Variants in ANK2 observed in about 807,000 individuals in gnomAD.
ANK2 encodes ankyrin 2, also known as ankyrin-2.
A neutral mutation model predicts 360.5 loss-of-function variants in ANK2; 83 were observed. The observed-to-expected ratio is 0.23, with a 90% CI of 0.19 to 0.28. The LOEUF is 0.28. Among genes scored for constraint, ANK2 ranks in the 10% least tolerant of loss-of-function variants. The pLI, the probability that ANK2 is intolerant of heterozygous loss-of-function variation, is 1.00. For missense variants in ANK2, 4,201 were observed against 4,795.7 expected, an observed-to-expected ratio of 0.88 and a Z score of 3.66; for synonymous variants, 1,740 against 1,759.5, an observed-to-expected ratio of 0.99 and a Z score of 0.28.
At position 113,360,835 on chromosome 4, in the gene ANK2, A is replaced by C; in HGVS notation, c.10694A>C (p.Glu3565Ala). ...TGACCTTCTCCAGATCCACAGGATG[A>C]GCAGGAACGGATCGAGGAAAGGCTG... Reference protein sequence around the residue: ...GHDHAEDPQDEQERIEERLAY... With the variant: ...GHDHAEDPQDAQERIEERLAY... The change falls in exon 39 of 46, where the codon GAG becomes GCG. Residue 3565 changes from glutamate (E) to alanine (A), a missense_variant. Glu to Ala is a moderately radical substitution (Grantham distance 107, BLOSUM62 -1). Around this residue, in one of 4 missense-constraint regions of ANK2, gnomAD observed 2,642 missense variants for 2,714.5 expected, o/e 0.97. Coordinates refer to ENST00000357077, the MANE Select transcript of ANK2 (RefSeq NM_001148.6). The C allele has an allele frequency of 6.2e-7, 1 of 1,612,620 alleles. No homozygotes were observed. The highest frequency in any genetic ancestry group is 2.2e-5 in the East Asian group (1 of 44,766).
chr4:113,212,544 A>G (rs1163771761), intron 4 of ANK2, among the ~76,000 whole-genome samples: 1 of 152,222 alleles, frequency 6.6e-6, no homozygotes, highest in African/African-American at 2.4e-5. Context: ...TAGGCAGCAT[A>G]GTGAAATGGA....
intron 1 of ANK2, among the ~76,000 whole-genome samples, chr4:113,151,502 G>A (rs2097082747): frequency 6.6e-6 from 1 of 151,924 alleles, no homozygotes; most frequent in African/African-American, 2.4e-5. Flanking sequence ...AACTAATACA[G>A]CAAAAACTCA....
At chr4:113,188,495 G>A (rs2098588994) in intron 2 of ANK2, among the ~76,000 whole-genome samples, 1 of 152,114 alleles carries the variant, frequency 6.6e-6, no homozygotes, top group African/African-American at 2.4e-5. Context: ...ATACATCTGT[G>A]TGCCTCAGTT....
intron 1 of ANK2, among the ~76,000 whole-genome samples, chr4:112,865,484 A>G (rs1269779812): frequency 1.3e-5 from 2 of 152,232 alleles, no homozygotes; most frequent in Admixed American, 6.5e-5. Context: ...TTACTATGCC[A>G]TATAAAAAAA....
At chr4:113,137,214 C>T (rs1329335704) in intron 1 of ANK2, among the ~76,000 whole-genome samples, 5 of 152,288 alleles carry the variant, frequency 3.3e-5, no homozygotes, top group South Asian at 2.1e-4. Flanking sequence ...TTGGCTAAGG[C>T]GCATGACAAA....
At chr4:112,829,525 ATGG>A (rs2059244551) in intron 1 of ANK2, among the ~76,000 whole-genome samples, 1 of 151,394 alleles carries the variant, frequency 6.6e-6, no homozygotes, top group Non-Finnish European at 1.5e-5. Context: ...GGGCAAAGAC[ATGG>A]AGAGACACTT....
intron 15 of ANK2, among the ~76,000 whole-genome samples, chr4:113,275,686 C>T (rs1380456624): frequency 6.7e-6 from 1 of 148,774 alleles, no homozygotes; most frequent in African/African-American, 2.5e-5. Flanking sequence ...GTTCTGAACT[C>T]TGAAAAGTTG....
At chr4:112,751,988 C>G in the ANK2 span, among the ~76,000 whole-genome samples, 7 of 152,170 alleles carry the variant, frequency 4.6e-5, no homozygotes, top group African/African-American at 1.4e-4. Context: ...TTGGAGCATG[C>G]TCTGGTGTTT....
chr4:113,224,883 T>G (rs1361816098), intron 4 of ANK2, among the ~76,000 whole-genome samples: 1 of 151,736 alleles, frequency 6.6e-6, no homozygotes, highest in Admixed American at 6.6e-5. Flanking sequence ...GAAGTTTTTT[T>G]TTTTTTTTTT....
intron 1 of ANK2, among the ~76,000 whole-genome samples, chr4:113,068,812 G>A (rs2076514549): frequency 6.6e-6 from 1 of 152,190 alleles, no homozygotes; most frequent in South Asian, 2.1e-4. Context: ...TATAATCTCA[G>A]CACTTTGGGA....
At chr4:112,951,463 T>C (rs1279792550) in intron 2 of ANK2, among the ~76,000 whole-genome samples, 1 of 152,258 alleles carries the variant, frequency 6.6e-6, no homozygotes, top group Non-Finnish European at 1.5e-5. Context: ...TATTTAATGA[T>C]TCAAATGAAA....
At position 112,910,957 on chromosome 4, in the gene ANK2, C is replaced by CTT. The variant is rs1163828806; in HGVS notation, c.21+6462_21+6463dup. Among the ~76,000 whole-genome samples the CTT allele has an allele frequency of 5.5e-4, 69 of 125,144 alleles. 1 individual carries two copies. The highest frequency in any genetic ancestry group is 1.8e-3 in the African/African-American group (61 of 33,278). The allele number at this position is 125,144 out of a possible 152,430, so 82.1% of individuals were successfully genotyped here. A position where few individuals can be genotyped will look rare whatever the true frequency, so the allele number is the denominator to read the frequency against. On this transcript the variant is annotated intron_variant, in intron 2 of 30. Transcript: ENST00000503271. Reference sequence around the variant, plus strand: ...TTGAAGACTTTTGTTTATTATTTGCCTTTTTTTTTTTTTTTTTTTTAGATG... The same window carrying CTT: ...TTGAAGACTTTTGTTTATTATTTGCCTTTTTTTTTTTTTTTTTTTTTTAGATG...
At chr4:112,915,301 C>T (rs566848875) in intron 2 of ANK2, among the ~76,000 whole-genome samples, 129 of 152,130 alleles carry the variant, frequency 8.5e-4, no homozygotes, top group African/African-American at 2.4e-3. Context: ...TATTTGTGTA[C>T]GTCAAACTTG....
the ANK2 span, among the ~76,000 whole-genome samples, chr4:112,775,885 T>A: frequency 6.6e-6 from 1 of 152,194 alleles, no homozygotes; most frequent in African/African-American, 2.4e-5. Flanking sequence ...CACTTTCGCA[T>A]GTGTAAGAAT....
At chr4:112,853,891 A>T (rs17045059) in intron 1 of ANK2, among the ~76,000 whole-genome samples, 17 of 152,228 alleles carry the variant, frequency 1.1e-4, no homozygotes, top group African/African-American at 3.6e-4. Context: ...TTAAACATAC[A>T]TAAGTGTCAT....
chr4:112,951,178 G>C (rs1449074215), intron 2 of ANK2, among the ~76,000 whole-genome samples: 1 of 151,166 alleles, frequency 6.6e-6, no homozygotes, highest in African/African-American at 2.4e-5. Context: ...AATGTACAGA[G>C]ATACATTTGG....
chr4:112,906,757 A>T (rs2085362620), intron 2 of ANK2, among the ~76,000 whole-genome samples: 1 of 152,112 alleles, frequency 6.6e-6, no homozygotes, highest in Non-Finnish European at 1.5e-5. Flanking sequence ...ATTTGAGGAA[A>T]AGGGCAAGGA....
chr4:113,356,983 G>T lies in ANK2; in HGVS notation c.8365G>T (p.Val2789Phe). The T allele has an allele frequency of 6.2e-7, 1 of 1,614,052 alleles. No individual in the cohort carries two copies. Among genetic ancestry groups the T allele is most frequent in the Non-Finnish European group, 8.5e-7 (1 of 1,179,970 alleles). The stretch of plus-strand genomic sequence containing the variant: ...GAGTCCTAGCAGCTCAGCTGCTCCT[G>T]TCTCTTCAGGTCTACAGAGTCCGAC... Reference protein sequence around the residue: ...AMSPSSSAAPVSSGLQSPTGD... With the variant: ...AMSPSSSAAPFSSGLQSPTGD... The change falls in exon 38 of 46, where the codon GTC becomes TTC. Residue 2789 changes from valine to phenylalanine, a missense_variant. Transcript: ENST00000357077.
At chr4:112,754,952 T>C in the ANK2 span, among the ~76,000 whole-genome samples, 1 of 152,220 alleles carries the variant, frequency 6.6e-6, no homozygotes, top group East Asian at 1.9e-4. Context: ...TACCTCAAAC[T>C]CTTATATCCT....
Sources: allele counts gnomAD v4.1 joint callset (sites outside exome capture counted in the v4.1 genomes callset), GRCh38; gene constraint gnomAD v4.1.1; regional missense constraint gnomAD v4.1.1; transcripts MANE v1.5; gene names NCBI Gene and HGNC (gene_info 2026-07-23, HGNC 2026-07-21).